Variants in PLXDC2 observed in about 807,000 individuals in gnomAD.
The protein encoded by PLXDC2 is plexin domain-containing protein 2.
A neutral mutation model predicts 68.9 loss-of-function variants in PLXDC2; 40 were observed. That is an observed-to-expected ratio of 0.58 (90% CI 0.45 to 0.76). PLXDC2 has a LOEUF of 0.76. Ranked by LOEUF, PLXDC2 falls within the 30% of genes least tolerant of loss-of-function variation. PLXDC2 has a pLI of 0.00. For synonymous variants in PLXDC2, 243 were observed against 234.2 expected (o/e 1.04, Z -0.34); for missense variants, 644 against 661.9 (o/e 0.97, Z 0.30).
chr10:19,915,788 A>G (rs1317977827), intron 1 of PLXDC2, among the ~76,000 whole-genome samples: 2 of 152,078 alleles, frequency 1.3e-5, no homozygotes, highest in African/African-American at 4.8e-5. Context: ...AAGGCAAAAT[A>G]TGCTTGCCCC....
intron 2 of PLXDC2, among the ~76,000 whole-genome samples, chr10:20,026,375 C>T (rs561190762): frequency 6.6e-5 from 10 of 152,234 alleles, no homozygotes; most frequent in African/African-American, 2.2e-4. Flanking sequence ...AGAATATTCT[C>T]CTTCTGTGAG....
Position 20,118,105 on chromosome 10 carries a change from T to TACAC in PLXDC2, c.542-25160_542-25157dup, listed in dbSNP as rs60160833. Among the ~76,000 whole-genome samples, 156 of 146,822 alleles carry TACAC rather than the reference T, an allele frequency of 1.1e-3. 1 individual carries two copies. Among genetic ancestry groups the TACAC allele is most frequent in the African/African-American group, 2.8e-3 (112 of 39,546 alleles). ...GTATATACATGCATCCATATATGCC[T>TACAC]ACACACACACACACACACACACACA... On this transcript the variant is annotated intron_variant, in intron 4 of 13. Coordinates refer to ENST00000377252, the MANE Select transcript of PLXDC2 (RefSeq NM_032812.9).
chr10:20,123,316 G>A (rs577146889), intron 4 of PLXDC2, among the ~76,000 whole-genome samples: 127 of 152,216 alleles, frequency 8.3e-4, no homozygotes, highest in African/African-American at 3.0e-3. Flanking sequence ...AGACAGGAGG[G>A]AAAGAAGGAA....
At chr10:20,178,096 T>C (rs1215916313) in intron 9 of PLXDC2, among the ~76,000 whole-genome samples, 1 of 152,116 alleles carries the variant, frequency 6.6e-6, no homozygotes, top group East Asian at 1.9e-4. Context: ...TTTATAATAA[T>C]CACATGAACA....
At chr10:19,819,789 T>C (rs1488924686) in intron 1 of PLXDC2, among the ~76,000 whole-genome samples, 2 of 152,254 alleles carry the variant, frequency 1.3e-5, no homozygotes, top group East Asian at 3.8e-4. Flanking sequence ...AGTTAAACAA[T>C]TTACTTTGAA....
At chr10:19,837,193 A>G (rs145078543) in intron 1 of PLXDC2, among the ~76,000 whole-genome samples, 1 of 152,074 alleles carries the variant, frequency 6.6e-6, no homozygotes, top group African/African-American at 2.4e-5. Flanking sequence ...ACCCAGCAAG[A>G]CATTCCTCAC....
intron 1 of PLXDC2, among the ~76,000 whole-genome samples, chr10:20,000,268 G>GTTTTTTTTTTTTTTTTT (rs557279192): frequency 6.7e-6 from 1 of 148,844 alleles, no homozygotes; most frequent in African/African-American, 2.5e-5. Context: ...ATGTACATGA[G>GTTTTTTTTTTTTTTTTT]TTTTTTTTTT....
At chr10:20,258,549 C>T (rs987586243) in intron 13 of PLXDC2, among the ~76,000 whole-genome samples, 4 of 152,110 alleles carry the variant, frequency 2.6e-5, no homozygotes, top group East Asian at 3.9e-4. Context: ...TCATCAATAT[C>T]TTTATAGTAA....
rs1197637933 is a variant in PLXDC2, at chr10:19,816,829, T to G, written c.-251T>G. 9.0e-6 allele frequency: 5 copies of G among 555,634 alleles called. No homozygotes were observed. In the African/African-American group the frequency reaches 9.5e-5, roughly 11 times the overall value. The allele number at this position is 555,634 out of a possible 1,614,324, so 34.4% of individuals were successfully genotyped here. ...TCCTCCCCGCGGTTGTTGTTCAGTG[T>G]CGGGTGAGGGCTGCGAGTGTGGCAA... On this transcript the variant is annotated 5_prime_UTR_variant, in exon 1 of 14. Coordinates refer to ENST00000377252, the MANE Select transcript of PLXDC2 (RefSeq NM_032812.9).
chr10:19,848,471 G>A (rs994375706), intron 1 of PLXDC2, among the ~76,000 whole-genome samples: 5 of 152,188 alleles, frequency 3.3e-5, no homozygotes, highest in Admixed American at 6.5e-5. Context: ...GAGGCATCCA[G>A]TGAGGGTTCT....
chr10:19,818,567 ACAC>A (rs1284396095), intron 1 of PLXDC2, among the ~76,000 whole-genome samples: 1 of 152,174 alleles, frequency 6.6e-6, no homozygotes, highest in East Asian at 1.9e-4. Context: ...TAGGATGACA[ACAC>A]TTTTAAAGCT....
intron 1 of PLXDC2, among the ~76,000 whole-genome samples, chr10:19,957,243 G>A (rs1355257437): frequency 1.3e-5 from 2 of 152,070 alleles, no homozygotes; most frequent in East Asian, 3.9e-4. Context: ...CTATTGATGT[G>A]TGTCACATTT....
At chr10:19,996,417 AC>A (rs1834843584) in intron 1 of PLXDC2, among the ~76,000 whole-genome samples, 1 of 152,198 alleles carries the variant, frequency 6.6e-6, no homozygotes, top group Admixed American at 6.6e-5. Flanking sequence ...CCCCATCTCT[AC>A]AAAAAATAAA....
chr10:19,991,883 C>T (rs1029921752), intron 1 of PLXDC2, among the ~76,000 whole-genome samples: 11 of 152,148 alleles, frequency 7.2e-5, no homozygotes, highest in African/African-American at 1.7e-4. Flanking sequence ...AGGTATTGGC[C>T]ATGATTGGTC....
At chr10:20,114,965 G>A (rs149319554) in intron 4 of PLXDC2, among the ~76,000 whole-genome samples, 56 of 152,142 alleles carry the variant, frequency 3.7e-4, no homozygotes, top group African/African-American at 1.3e-3. Context: ...AAACTGACCC[G>A]TCTATCCTTA....
chr10:20,013,758 G>A (rs1008698200), intron 2 of PLXDC2, among the ~76,000 whole-genome samples: 5 of 152,052 alleles, frequency 3.3e-5, no homozygotes, highest in African/African-American at 1.2e-4. Flanking sequence ...TAAAAACCAG[G>A]TATAAATGAT....
intron 5 of PLXDC2, 116 bp from the exon 6 acceptor site, chr10:20,147,668 T>C: frequency 1.6e-6 from 1 of 627,160 alleles, no homozygotes; most frequent in Non-Finnish European, 2.8e-6. Context: ...AAAATCGAAA[T>C]AGTACAACTA....
intron 1 of PLXDC2, among the ~76,000 whole-genome samples, chr10:19,831,398 A>G (rs1449493549): frequency 1.3e-5 from 2 of 152,098 alleles, no homozygotes; most frequent in Non-Finnish European, 1.5e-5. Context: ...AGGCAGTGGG[A>G]AACCATGAAA....
At chr10:20,138,997 A>T (rs1833967664) in intron 4 of PLXDC2, among the ~76,000 whole-genome samples, 1 of 152,198 alleles carries the variant, frequency 6.6e-6, no homozygotes, top group African/African-American at 2.4e-5. Context: ...TCAGAATAAT[A>T]TTTTTTCAGA....
Sources: gnomAD v4.1 joint callset for allele counts (sites outside exome capture counted in the v4.1 genomes callset) on GRCh38, gnomAD v4.1.1 for gene constraint, MANE v1.5 for transcripts, NCBI Gene and HGNC (gene_info 2026-07-23, HGNC 2026-07-21) for gene names.